Variants in GRAMD1B observed in about 807,000 individuals in gnomAD.
The protein encoded by GRAMD1B is protein Aster-B.
A neutral mutation model predicts 99.7 loss-of-function variants in GRAMD1B; 37 were observed. The observed-to-expected ratio is 0.37, with a 90% confidence interval of 0.29 to 0.49. GRAMD1B has a LOEUF of 0.49. Among genes scored for constraint, GRAMD1B ranks in the 20% least tolerant of loss-of-function variants. GRAMD1B has a pLI of 0.98. For missense variants in GRAMD1B, 888 were observed against 1,009.2 expected (o/e 0.88, Z 1.63); for synonymous variants, 427 against 387.6 (o/e 1.10, Z -1.19).
At chr11:123,568,914 G>A (rs887645561) in intron 2 of GRAMD1B, among the ~76,000 whole-genome samples, 4 of 152,198 alleles carry the variant, frequency 2.6e-5, no homozygotes, top group African/African-American at 9.6e-5. Flanking sequence ...CAGAGAGCAG[G>A]TTCCATGCGT....
chr11:123,380,907 T>C (rs1158279350), intron 1 of GRAMD1B, among the ~76,000 whole-genome samples: 1 of 152,188 alleles, frequency 6.6e-6, no homozygotes, highest in African/African-American at 2.4e-5. Context: ...TTTCTTCCCA[T>C]ATGAGCTCCC....
chr11:123,589,728 C>G (rs1950458632), intron 4 of GRAMD1B, among the ~76,000 whole-genome samples: 1 of 151,652 alleles, frequency 6.6e-6, no homozygotes, highest in Admixed American at 6.6e-5. Flanking sequence ...TCCCAAAGTG[C>G]TGGGATTACA....
chr11:123,414,575 C>G (rs1948164162), intron 1 of GRAMD1B, among the ~76,000 whole-genome samples: 1 of 152,128 alleles, frequency 6.6e-6, no homozygotes, highest in Non-Finnish European at 1.5e-5. Flanking sequence ...CTTACTCTGA[C>G]TACCCTATGT....
intron 1 of GRAMD1B, among the ~76,000 whole-genome samples, chr11:123,413,511 T>TA (rs1486943173): frequency 8.4e-6 from 1 of 119,090 alleles, no homozygotes; most frequent in African/African-American, 4.5e-5. Flanking sequence ...CATTTGCCCA[T>TA]ATTTTTTTTT....
At chr11:123,405,335 C>A (rs1437823400) in intron 1 of GRAMD1B, among the ~76,000 whole-genome samples, 1 of 152,158 alleles carries the variant, frequency 6.6e-6, no homozygotes, top group Non-Finnish European at 1.5e-5. Flanking sequence ...TGCTCTGACC[C>A]TTCTCTGCTC....
intron 2 of GRAMD1B, among the ~76,000 whole-genome samples, chr11:123,514,115 G>A (rs1941438464): frequency 6.6e-6 from 1 of 152,156 alleles, no homozygotes. Context: ...AGTTGTTCAT[G>A]GGTCCTCGGG....
intron 1 of GRAMD1B, among the ~76,000 whole-genome samples, chr11:123,434,499 G>A (rs1949069464): frequency 6.6e-6 from 1 of 152,052 alleles, no homozygotes; most frequent in Admixed American, 6.6e-5. Context: ...GCCTGAGAAG[G>A]AATTGGTGGC....
chr11:123,542,957 C>A (rs186858081), intron 2 of GRAMD1B, among the ~76,000 whole-genome samples: 12 of 145,214 alleles, frequency 8.3e-5, no homozygotes, highest in Middle Eastern at 3.6e-3. Flanking sequence ...CCCAGCCTGG[C>A]GAGTAGTTTT....
At chr11:123,513,159 T>TA (rs775241658) in intron 2 of GRAMD1B, among the ~76,000 whole-genome samples, 33 of 152,240 alleles carry the variant, frequency 2.2e-4, no homozygotes, top group Non-Finnish European at 4.1e-4. Flanking sequence ...CTTCCCTTTT[T>TA]ATTTCTGAGA....
chr11:123,532,480 T>C (rs924792810), intron 2 of GRAMD1B, among the ~76,000 whole-genome samples: 2 of 152,220 alleles, frequency 1.3e-5, no homozygotes, highest in Non-Finnish European at 1.5e-5. Flanking sequence ...TCATCATACA[T>C]ACCACTACTG....
intron 1 of GRAMD1B, among the ~76,000 whole-genome samples, chr11:123,375,523 T>C (rs61904728): frequency 0.17 from 25,408 of 152,184 alleles, 2,281 homozygotes; most frequent in African/African-American, 0.23. Flanking sequence ...TAAGTTACTT[T>C]CCATCCCCAA....
At chr11:123,394,648 T>C (rs190173063) in intron 1 of GRAMD1B, among the ~76,000 whole-genome samples, 75 of 152,370 alleles carry the variant, frequency 4.9e-4, no homozygotes, top group Non-Finnish European at 8.8e-4. Flanking sequence ...GCATAAACTT[T>C]TTCTGGTAGT....
At chr11:123,538,013 C>G (rs1944137660) in intron 2 of GRAMD1B, among the ~76,000 whole-genome samples, 1 of 152,148 alleles carries the variant, frequency 6.6e-6, no homozygotes, top group African/African-American at 2.4e-5. Context: ...TAGTTGTCAT[C>G]ATTAGTCACA....
At chr11:123,574,092 AAG>A (rs1948454816) in intron 2 of GRAMD1B, among the ~76,000 whole-genome samples, 1 of 149,052 alleles carries the variant, frequency 6.7e-6, no homozygotes, top group Non-Finnish European at 1.5e-5. Flanking sequence ...AAAAAAAAAA[AAG>A]AAGAAAGAGC....
chr11:123,544,150 T>G (rs961428830), intron 2 of GRAMD1B, among the ~76,000 whole-genome samples: 1 of 152,180 alleles, frequency 6.6e-6, no homozygotes, highest in African/African-American at 2.4e-5. Flanking sequence ...TTAGGCCTTT[T>G]GAGGAGAGAT....
intron 1 of GRAMD1B, among the ~76,000 whole-genome samples, chr11:123,438,706 A>C (rs1485756719): frequency 6.6e-6 from 1 of 152,120 alleles, no homozygotes; most frequent in African/African-American, 2.4e-5. Context: ...CACATCAGGT[A>C]AGGGGCTGGT....
At chr11:123,589,770 A>C (rs1357979427) in intron 4 of GRAMD1B, among the ~76,000 whole-genome samples, 1 of 151,974 alleles carries the variant, frequency 6.6e-6, no homozygotes, top group South Asian at 2.1e-4. Context: ...CCTGGAATCT[A>C]CGTTTTTACA....
intron 1 of GRAMD1B, among the ~76,000 whole-genome samples, chr11:123,449,912 A>G (rs1246398556): frequency 2.0e-5 from 3 of 151,868 alleles, no homozygotes; most frequent in African/African-American, 7.3e-5. Flanking sequence ...TTGTAGAGAC[A>G]GGATCCTGCT....
chr11:123,448,776 G>A (rs375955692), intron 1 of GRAMD1B, among the ~76,000 whole-genome samples: 39 of 152,138 alleles, frequency 2.6e-4, no homozygotes, highest in African/African-American at 8.9e-4. Flanking sequence ...TTGTTTTCAC[G>A]AGGCTTCTCT....
Sources: allele counts gnomAD v4.1 joint callset (sites outside exome capture counted in the v4.1 genomes callset), GRCh38; gene constraint gnomAD v4.1.1; transcripts MANE v1.5; gene names NCBI Gene and HGNC (gene_info 2026-07-23, HGNC 2026-07-21).